RAB31: variants seen among roughly 807,000 people sequenced by gnomAD.
The protein encoded by RAB31 is RAB31, member RAS oncogene family, also known as ras-related protein Rab-31.
RAB31 carries 21 observed loss-of-function variants against 25.6 expected under a neutral mutation model. The observed-to-expected ratio is 0.82, with a 90% CI of 0.58 to 1.18. The LOEUF (loss-of-function observed/expected upper bound fraction) is 1.18, where lower values mean the gene tolerates loss of function less well. Among genes scored for constraint, RAB31 ranks in the 50% most tolerant of loss-of-function variants. RAB31 has a pLI of 0.00. For missense variants in RAB31, 196 were observed against 250.1 expected (o/e 0.78, Z 1.46); for synonymous variants, 87 against 84.0 (o/e 1.04, Z -0.20).
intron 2 of RAB31, among the ~76,000 whole-genome samples, chr18:9,791,699 T>G (rs1215311621): frequency 6.6e-6 from 1 of 152,214 alleles, no homozygotes; most frequent in Non-Finnish European, 1.5e-5. Flanking sequence ...TTTCAAGCAA[T>G]TCTCCTGCCT....
At chr18:9,724,924 T>C (rs1216708410) in intron 1 of RAB31, among the ~76,000 whole-genome samples, 1 of 152,196 alleles carries the variant, frequency 6.6e-6, no homozygotes, top group Non-Finnish European at 1.5e-5. Context: ...GTAGGTTGAC[T>C]GGGCTCAGAT....
intron 1 of RAB31, among the ~76,000 whole-genome samples, chr18:9,718,529 G>A (rs1244045890): frequency 6.6e-6 from 1 of 152,206 alleles, no homozygotes; most frequent in Non-Finnish European, 1.5e-5. Flanking sequence ...AAAGTGCTGG[G>A]ATTACAGGCA....
chr18:9,772,239 A>G (rs2068349051), intron 1 of RAB31, among the ~76,000 whole-genome samples: 1 of 152,014 alleles, frequency 6.6e-6, no homozygotes, highest in Non-Finnish European at 1.5e-5. Flanking sequence ...ATGCACCCTC[A>G]GCCCTGTGCC....
intron 5 of RAB31, among the ~76,000 whole-genome samples, chr18:9,820,317 A>G (rs1312458421): frequency 2.0e-5 from 3 of 152,058 alleles, no homozygotes; most frequent in Admixed American, 2.0e-4. Flanking sequence ...TGATTTTGGG[A>G]TGTTAAACTA....
chr18:9,774,017 CCTG>C (rs1163730384), intron 1 of RAB31, among the ~76,000 whole-genome samples: 1 of 151,954 alleles, frequency 6.6e-6, no homozygotes, highest in Non-Finnish European at 1.5e-5. Flanking sequence ...AAAATAACAT[CCTG>C]CTGTTTTGTG....
chr18:9,812,863 A>G (rs899191895), intron 3 of RAB31, among the ~76,000 whole-genome samples: 2 of 151,784 alleles, frequency 1.3e-5, no homozygotes, highest in African/African-American at 4.8e-5. Flanking sequence ...ATGCCCAGCT[A>G]ATTTTTGTAT....
chr18:9,733,191 T>C (rs1361224180), intron 1 of RAB31, among the ~76,000 whole-genome samples: 2 of 152,204 alleles, frequency 1.3e-5, no homozygotes, highest in Non-Finnish European at 2.9e-5. Context: ...AAATTGCTAA[T>C]TCAGTGGGAA....
chr18:9,716,211 C>A (rs932411468), intron 1 of RAB31, among the ~76,000 whole-genome samples: 1 of 152,162 alleles, frequency 6.6e-6, no homozygotes, highest in Admixed American at 6.5e-5. Flanking sequence ...GTCTTGTAGG[C>A]GGTCCCAAGA....
chr18:9,740,449 C>G (rs1264251597), intron 1 of RAB31, among the ~76,000 whole-genome samples: 1 of 152,214 alleles, frequency 6.6e-6, no homozygotes, highest in African/African-American at 2.4e-5. Flanking sequence ...CGTGGTGGCT[C>G]TCGCCTGTAA....
rs1233541171 is a variant in RAB31, at chr18:9,708,565, C to A, written c.39+121C>A. 4.6e-6 allele frequency: 4 copies of A among 874,078 alleles called. No homozygotes were observed. Among genetic ancestry groups the A allele is most frequent in the Non-Finnish European group, 6.4e-6 (4 of 622,760 alleles). The allele number at this position is 874,078 out of a possible 1,614,324, so 54.1% of individuals were successfully genotyped here. ...TCGCTCTCCGCACCCCTCTCGTAGCCCCCGTCCCCCTCGTCCGCGCGCCCC... is the reference window on the plus strand; with the variant it reads ...TCGCTCTCCGCACCCCTCTCGTAGCACCCGTCCCCCTCGTCCGCGCGCCCC... On this transcript the variant is annotated intron_variant, in intron 1 of 6. Transcript: ENST00000578921. This position sits in a 1 kb window ranked among gnomAD's most constrained non-coding sequence, Gnocchi z 6.4.
chr18:9,849,088 T>A (rs375908318), intron 6 of RAB31, among the ~76,000 whole-genome samples: 80 of 152,324 alleles, frequency 5.3e-4, no homozygotes, highest in African/African-American at 1.8e-3. Flanking sequence ...TCTGCCTGCA[T>A]GTGGCTAATT....
chr18:9,850,372 G>A (rs942729561), intron 6 of RAB31, among the ~76,000 whole-genome samples: 2 of 152,146 alleles, frequency 1.3e-5, no homozygotes, highest in Admixed American at 6.5e-5. Context: ...TGGTCCTCCC[G>A]CCTTGGCTTC....
intron 6 of RAB31, among the ~76,000 whole-genome samples, chr18:9,851,479 T>C (rs1347953241): frequency 2.0e-5 from 3 of 152,230 alleles, no homozygotes; most frequent in African/African-American, 7.2e-5. Flanking sequence ...GTAGGCTCTG[T>C]TATCATCCCT....
intron 6 of RAB31, among the ~76,000 whole-genome samples, chr18:9,857,723 G>GAT (rs1462367197): frequency 1.1e-4 from 16 of 150,700 alleles, no homozygotes; most frequent in African/African-American, 4.0e-4. Flanking sequence ...TAGATAGATA[G>GAT]ATAGATATAG....
chr18:9,784,676 C>T (rs945365626), intron 2 of RAB31, among the ~76,000 whole-genome samples: 2 of 151,856 alleles, frequency 1.3e-5, no homozygotes, highest in Non-Finnish European at 2.9e-5. Flanking sequence ...CCTCAGTCCC[C>T]GACGTAGCTG....
chr18:9,818,574 T>C (rs2068610734), intron 5 of RAB31, among the ~76,000 whole-genome samples: 1 of 152,246 alleles, frequency 6.6e-6, no homozygotes, highest in Admixed American at 6.5e-5. Flanking sequence ...CACATTTTTA[T>C]TTATTCATTC....
intron 3 of RAB31, among the ~76,000 whole-genome samples, chr18:9,812,295 A>G (rs919168165): frequency 2.6e-5 from 4 of 152,222 alleles, no homozygotes; most frequent in South Asian, 4.1e-4. Flanking sequence ...TCCCATAAAC[A>G]GCGCAGGGAT....
At chr18:9,723,564 T>G (rs1415441980) in intron 1 of RAB31, 1 of 152,214 alleles carries the variant, frequency 6.6e-6, no homozygotes, top group African/African-American at 2.4e-5. Context: ...ACAGAACACC[T>G]GCGACTGGGT....
chr18:9,804,853 G>A (rs1040183551), intron 3 of RAB31, among the ~76,000 whole-genome samples: 2 of 152,170 alleles, frequency 1.3e-5, no homozygotes, highest in Admixed American at 6.5e-5. Context: ...TTGAGGGCAG[G>A]GACCTTGTTA....
Sources: gnomAD v4.1 joint callset for allele counts (sites outside exome capture counted in the v4.1 genomes callset) on GRCh38, gnomAD v4.1.1 for gene constraint, Gnocchi (gnomAD v3.1) non-coding constraint, MANE v1.5 for transcripts, NCBI Gene and HGNC (gene_info 2026-07-23, HGNC 2026-07-21) for gene names.